ARSH: variants seen among roughly 807,000 people sequenced by gnomAD.
ARSH encodes arylsulfatase family member H.
A neutral mutation model predicts 28.7 loss-of-function variants in ARSH; 32 were observed. The ratio of observed to expected loss-of-function variants is 1.11; its 90% CI spans 0.84 to 1.50. The LOEUF is 1.50. ARSH is among the 40% of genes most tolerant of loss of function. The probability of loss-of-function intolerance (pLI) is 0.00; values close to 1 mark genes in which losing one functional copy is unlikely to be tolerated. For synonymous variants in ARSH, 176 were observed against 177.3 expected (o/e 0.99, Z 0.06); for missense variants, 440 against 452.4 (o/e 0.97, Z 0.25).
chrX:3,011,655 T>C (rs1057470088), intron 2 of ARSH, among the ~76,000 whole-genome samples: 1 of 112,068 alleles, frequency 8.9e-6, no homozygotes, highest in African/African-American at 3.2e-5. Flanking sequence ...GTCATTGCCA[T>C]GTGTATATTT....
At chrX:3,016,977 G>A (rs59133585) in intron 4 of ARSH, among the ~76,000 whole-genome samples, 8,674 of 110,263 alleles carry the variant, frequency 0.079, 286 homozygotes, top group Non-Finnish European at 0.099. Context: ...AGGGAGTGGA[G>A]AGGGGAGGAT....
Position 3,014,022 on chromosome X carries a change from C to A in ARSH, c.340+850C>A, listed in dbSNP as rs374144104. Among the ~76,000 whole-genome samples the A allele has an allele frequency of 4.5e-4, 50 of 111,688 alleles. 1 individual carries two copies. The South Asian group carries it at 0.017, about 37-fold the overall frequency. ...CAGTGGCTCAGACCTGTAATCCCAG[C>A]ACTTTGGGAGGCTGAGGCAGAAGAA... On this transcript the variant is annotated intron_variant, in intron 3 of 8. Coordinates refer to ENST00000381130, the MANE Select transcript of ARSH (RefSeq NM_001011719.2).
At chrX:3,013,210 T>C in intron 3 of ARSH, 38 bp downstream of exon 3, 1 of 1,185,017 alleles carries the variant, frequency 8.4e-7, no homozygotes. Flanking sequence ...AACGTGATCC[T>C]GCAGCCTCTC....
At chrX:3,012,601 T>TATATATATATATA (rs1408757892) in intron 2 of ARSH, among the ~76,000 whole-genome samples, 5 of 20,967 alleles carry the variant, frequency 2.4e-4, no homozygotes, top group Non-Finnish European at 7.4e-5. Flanking sequence ...ATATATATAA[T>TATATATATATATA]ATATATATGT....
chrX:3,030,336 G>T (rs2089910575), intron 8 of ARSH, among the ~76,000 whole-genome samples: 1 of 111,458 alleles, frequency 9.0e-6, no homozygotes, highest in South Asian at 3.9e-4. Context: ...CCCGGTGCTG[G>T]GTTGATTTAG....
chrX:3,024,609 C>T (rs1310911046), intron 6 of ARSH, among the ~76,000 whole-genome samples: 1 of 111,608 alleles, frequency 9.0e-6, no homozygotes, highest in Non-Finnish European at 1.9e-5. Context: ...GTGAGAAGTG[C>T]TCCTTTAGAT....
intron 8 of ARSH, 123 bp from the exon 9 acceptor site, chrX:3,032,895 T>C (rs1032112262): frequency 1.4e-5 from 10 of 697,132 alleles, no homozygotes; most frequent in Non-Finnish European, 2.1e-5. Context: ...TGTTGCTGTG[T>C]AATGCTGTGC....
At chrX:3,029,432 T>C in intron 8 of ARSH, 64 bp downstream of exon 8, 6 of 1,161,452 alleles carry the variant, frequency 5.2e-6, no homozygotes, top group Non-Finnish European at 5.8e-6. Flanking sequence ...CTCCTTCGTC[T>C]CCTGGCGGAA....
chrX:3,014,591 G>A (rs759919206), intron 3 of ARSH, among the ~76,000 whole-genome samples: 1 of 111,395 alleles, frequency 9.0e-6, no homozygotes, highest in South Asian at 3.8e-4. Context: ...AAAGTCCTTG[G>A]TATTGTCCCC....
chrX:3,030,548 C>T (rs2089911045), intron 8 of ARSH, among the ~76,000 whole-genome samples: 1 of 111,452 alleles, frequency 9.0e-6, no homozygotes, highest in Admixed American at 9.6e-5. Context: ...CTGGGGAGGC[C>T]TCACAATCAT....
At chrX:3,027,966 G>T (rs1057007713) in intron 7 of ARSH, among the ~76,000 whole-genome samples, 2 of 109,924 alleles carry the variant, frequency 1.8e-5, no homozygotes, top group Non-Finnish European at 3.8e-5. Flanking sequence ...AGTCTGGTGT[G>T]GTGGCACGTG....
intron 8 of ARSH, among the ~76,000 whole-genome samples, chrX:3,031,333 A>T (rs1302853833): frequency 8.9e-6 from 1 of 111,773 alleles, no homozygotes; most frequent in Non-Finnish European, 1.9e-5. Flanking sequence ...CTTCAACATG[A>T]CCTGCCGGGT....
intron 2 of ARSH, among the ~76,000 whole-genome samples, chrX:3,011,460 G>A (rs1380248695): frequency 9.0e-6 from 1 of 111,014 alleles, no homozygotes; most frequent in Non-Finnish European, 1.9e-5. Flanking sequence ...TGTTGGCCAG[G>A]CTGGTCTTGA....
At position 3,033,051 on chromosome X, in the gene ARSH, C is replaced by T. The variant is rs1346495331; in HGVS notation, c.1355C>T (p.Pro452Leu). 1 of 1,208,769 alleles carries T rather than the reference C, an allele frequency of 8.3e-7. No individual in the cohort carries two copies. The highest frequency in any genetic ancestry group is 1.1e-6 in the Non-Finnish European group (1 of 894,740). The change falls in exon 9 of 9, where the codon CCT becomes CTT. Residue 452 changes from proline (P) to leucine (L), a missense_variant. Coordinates refer to ENST00000381130, the MANE Select transcript of ARSH (RefSeq NM_001011719.2). Reference sequence around the variant, plus strand: ...GTGTGGAAAGCTCATTATGTGACTCCTAAATTCTACCCTGAAGGAACAGGT... The same window carrying T: ...GTGTGGAAAGCTCATTATGTGACTCTTAAATTCTACCCTGAAGGAACAGGT... Reference protein sequence around the residue: ...ATVWKAHYVTPKFYPEGTGAC... With the variant: ...ATVWKAHYVTLKFYPEGTGAC...
intron 2 of ARSH, among the ~76,000 whole-genome samples, chrX:3,012,603 T>TATATATATA (rs1555914148): frequency 3.4e-4 from 9 of 26,794 alleles, no homozygotes; most frequent in African/African-American, 6.8e-4. Flanking sequence ...ATATATAATA[T>TATATATATA]ATATATGTAT....
At chrX:3,007,803 G>C (rs1011668324) in intron 1 of ARSH, among the ~76,000 whole-genome samples, 2 of 110,401 alleles carry the variant, frequency 1.8e-5, no homozygotes, top group Non-Finnish European at 3.8e-5. Flanking sequence ...CAAGGTGTCT[G>C]CAGGGCTGGT....
intron 1 of ARSH, among the ~76,000 whole-genome samples, chrX:3,006,949 TG>T (rs2089829464): frequency 9.0e-6 from 1 of 111,274 alleles, no homozygotes. Flanking sequence ...ATTTAAAAAT[TG>T]GCCTTTTTTG....
In ARSH at chrX:3,015,046, C is replaced by A. The variant is rs201579708; in HGVS notation, c.417C>A (p.Tyr139Ter). Residue 139 changes from tyrosine to a stop codon, truncating the protein, a stop_gained, in exon 4 of 9, where the codon TAC becomes TAA. Coordinates refer to ENST00000381130, the MANE Select transcript of ARSH (RefSeq NM_001011719.2). LOFTEE classifies it high-confidence loss of function. ...ACCCGCTCAACCATGGTTTTCACTA[C>A]TTTTACGGGGTGCCTTTTGGACTTT... ...CYHPLNHGFHYFYGVPFGLLS... is the reference protein window; with the variant it reads ...CYHPLNHGFH 28 of 1,211,258 alleles carry A rather than the reference C, an allele frequency of 2.3e-5. No individual in the cohort carries two copies. Among genetic ancestry groups the A allele is most frequent in the Non-Finnish European group, 3.0e-5 (27 of 895,341 alleles).
intron 1 of ARSH, among the ~76,000 whole-genome samples, chrX:3,009,244 G>A (rs1331513406): frequency 1.8e-5 from 2 of 110,218 alleles, no homozygotes; most frequent in African/African-American, 6.6e-5. Flanking sequence ...TGGGAGGCTG[G>A]GGAAAGTGGA....
Sources: allele counts gnomAD v4.1 joint callset (sites outside exome capture counted in the v4.1 genomes callset), GRCh38; gene constraint gnomAD v4.1.1; transcripts MANE v1.5; gene names NCBI Gene and HGNC (gene_info 2026-07-23, HGNC 2026-07-21).